The following ACTR3B variants were observed in gnomAD, a reference collection of about 807,000 sequenced individuals.
ACTR3B encodes actin-related protein 3B.
In ACTR3B, 8 loss-of-function variants were observed where a neutral mutation model predicts 59.0. That is an observed-to-expected ratio of 0.14 (90% CI 0.08 to 0.24). ACTR3B has a LOEUF of 0.24. Ranked by LOEUF, ACTR3B falls within the 10% of genes least tolerant of loss-of-function variation. The pLI is 1.00. For missense variants in ACTR3B, 245 were observed against 552.3 expected (o/e 0.44, Z 5.58); for synonymous variants, 148 against 197.9 (o/e 0.75, Z 2.12).
At chr7:152,773,961 G>C (rs2098130401) in intron 1 of ACTR3B, among the ~76,000 whole-genome samples, 1 of 152,174 alleles carries the variant, frequency 6.6e-6, no homozygotes, top group Admixed American at 6.5e-5. Flanking sequence ...ACGAGTTCCA[G>C]AGCCTTTAAG....
intron 1 of ACTR3B, among the ~76,000 whole-genome samples, chr7:152,775,194 A>G (rs2098133549): frequency 6.7e-6 from 1 of 149,542 alleles, no homozygotes; most frequent in African/African-American, 2.5e-5. Flanking sequence ...CTGTCTCAAA[A>G]AAAAAAAAAA....
intron 3 of ACTR3B, 56 bp downstream of exon 3, chr7:152,800,711 G>A (rs2098232918): frequency 6.4e-7 from 1 of 1,565,356 alleles, no homozygotes; most frequent in Non-Finnish European, 8.7e-7. Context: ...GATGAGTAAT[G>A]CAAAATGGTC....
intron 9 of ACTR3B, among the ~76,000 whole-genome samples, chr7:152,836,417 A>T (rs184217193): frequency 2.1e-4 from 32 of 152,134 alleles, no homozygotes; most frequent in Admixed American, 1.8e-3. Context: ...CAACACAGGG[A>T]GACCCCATCT....
Position 152,811,796 on chromosome 7 carries a change from G to C in ACTR3B, c.337-2754G>C, listed in dbSNP as rs375598248. On this transcript the variant is annotated intron_variant, in intron 4 of 11. Transcript: ENST00000256001. ...TCTCCACCACCTGCTTTTGATTAAT[G>C]ATGTCACTAAACTTATTCCAGTGTT... 5 of 151,188 alleles carry C rather than the reference G, an allele frequency of 3.3e-5. No homozygotes were observed. The East Asian group carries it at 9.9e-4, about 30-fold the overall frequency. The allele number at this position is 151,188 out of a possible 1,614,324, so 9.4% of individuals were successfully genotyped here.
At position 152,786,564 on chromosome 7, in the gene ACTR3B, A is replaced by C. The variant is rs569471556; in HGVS notation, c.100+3322A>C. 181 of 157,180 alleles carry C rather than the reference A, an allele frequency of 1.2e-3. 2 individuals are homozygous for C. The Middle Eastern group carries it at 0.016, about 14-fold the overall frequency. 9.7% of individuals were successfully genotyped at this position (157,180 alleles called of 1,614,324 possible). ...TGAGGTTCCGTCTCGAAAAAAAAAA[A>C]AAAACAAAAAACAAACAAACCCCAC... On this transcript the variant is annotated intron_variant, in intron 2 of 11. Coordinates refer to ENST00000256001, the MANE Select transcript of ACTR3B (RefSeq NM_020445.6).
At position 152,764,022 on chromosome 7, in the gene ACTR3B, T is replaced by C. The variant is rs573192055; in HGVS notation, c.44+4096T>C. ...TCTTTATTTTTTATTTATTTATTTT[T>C]TGAGACGGAGTCTTGCTGTGTTGCC... On this transcript the variant is annotated intron_variant, in intron 1 of 11. Coordinates refer to ENST00000256001, the MANE Select transcript of ACTR3B (RefSeq NM_020445.6). Among the ~76,000 whole-genome samples, 1,089 of 151,950 alleles carry C rather than the reference T, an allele frequency of 7.2e-3. 9 individuals are homozygous for C. Among genetic ancestry groups the C allele is most frequent in the Middle Eastern group, 0.02 (6 of 294 alleles).
chr7:152,814,968 A>G (rs1169923833), intron 5 of ACTR3B, among the ~76,000 whole-genome samples: 2 of 151,906 alleles, frequency 1.3e-5, no homozygotes, highest in African/African-American at 2.4e-5. Flanking sequence ...GAAAAACAAA[A>G]TAATTACCTT....
chr7:152,842,582 C>G (rs1797953282), intron 9 of ACTR3B, among the ~76,000 whole-genome samples: 1 of 152,190 alleles, frequency 6.6e-6, no homozygotes, highest in South Asian at 2.1e-4. Flanking sequence ...CTGTTTCCGG[C>G]TTCCTTCACT....
chr7:152,780,867 A>G (rs533950308), intron 1 of ACTR3B, among the ~76,000 whole-genome samples: 2 of 143,862 alleles, frequency 1.4e-5, no homozygotes, highest in Admixed American at 1.4e-4. Context: ...TTTTTTCGAG[A>G]CAGGATCTCG....
At chr7:152,815,060 C>T (rs1168161806) in intron 5 of ACTR3B, among the ~76,000 whole-genome samples, 2 of 151,144 alleles carry the variant, frequency 1.3e-5, no homozygotes, top group Admixed American at 6.6e-5. Flanking sequence ...TTCATGAGCT[C>T]GCAGAACTTG....
chr7:152,768,630 T>G (rs1186487566), intron 1 of ACTR3B, among the ~76,000 whole-genome samples: 2 of 151,496 alleles, frequency 1.3e-5, no homozygotes, highest in Non-Finnish European at 2.9e-5. Context: ...GCGCCCGCCA[T>G]CACGCCCAGC....
intron 1 of ACTR3B, among the ~76,000 whole-genome samples, chr7:152,763,017 T>A (rs574943006): frequency 6.6e-6 from 1 of 152,116 alleles, no homozygotes; most frequent in African/African-American, 2.4e-5. Context: ...TTTTTCTTTG[T>A]AATTAATAAG....
intron 2 of ACTR3B, among the ~76,000 whole-genome samples, chr7:152,794,659 A>G (rs1433441048): frequency 1.3e-5 from 2 of 152,058 alleles, no homozygotes. Flanking sequence ...TGTACATCAG[A>G]TGGTTCTGTG....
At chr7:152,827,735 G>T (rs1375933912) in intron 9 of ACTR3B, among the ~76,000 whole-genome samples, 3 of 152,156 alleles carry the variant, frequency 2.0e-5, no homozygotes, top group African/African-American at 4.8e-5. Flanking sequence ...GAAGCGGGAG[G>T]GTGATAGAAT....
rs537781339 is a variant in ACTR3B at position 152,789,484 on chromosome 7, T to G, written c.100+6242T>G. 2.8e-3 allele frequency among the ~76,000 whole-genome samples: 418 copies of G among 151,076 alleles called. 14 individuals carry two copies. Among genetic ancestry groups the G allele is most frequent in the African/African-American group, 9.8e-3 (399 of 40,686 alleles). Reference sequence around the variant, plus strand: ...AGTTTTCGTTGCTGTCGTCAAAATATTTTAAAAATTCTATTTTCTAATTCA... The same window carrying G: ...AGTTTTCGTTGCTGTCGTCAAAATAGTTTAAAAATTCTATTTTCTAATTCA... On this transcript the variant is annotated intron_variant, in intron 2 of 11. Transcript: ENST00000256001.
rs1025337299 is a variant in ACTR3B at position 152,854,719 on chromosome 7, A to G, written c.*166A>G. 1.2e-5 allele frequency: 8 copies of G among 642,660 alleles called. No homozygotes were observed. The African/African-American group carries it at 1.5e-4, about 12-fold the overall frequency. The allele number at this position is 642,660 out of a possible 1,614,324, so 39.8% of individuals were successfully genotyped here. A position where few individuals can be genotyped will look rare whatever the true frequency, so the allele number is the denominator to read the frequency against. Reference sequence around the variant, plus strand: ...CGGCGCGGGCCCTTCAGTAAAAGCCATTTATCCGTGTGCCGACCGCTGTCT... The same window carrying G: ...CGGCGCGGGCCCTTCAGTAAAAGCCGTTTATCCGTGTGCCGACCGCTGTCT... On this transcript the variant is annotated 3_prime_UTR_variant, in exon 12 of 12. Transcript: ENST00000256001. This position sits in a 1 kb window ranked among gnomAD's most constrained non-coding sequence, Gnocchi z 4.9.
chr7:152,844,350 G>A (rs1354066092), intron 9 of ACTR3B, among the ~76,000 whole-genome samples: 2 of 152,046 alleles, frequency 1.3e-5, no homozygotes, highest in African/African-American at 2.4e-5. Flanking sequence ...GAGCCGTCAC[G>A]CCAGACCTAA....
At chr7:152,834,155 GTT>G (rs779609053) in intron 9 of ACTR3B, among the ~76,000 whole-genome samples, 3 of 138,266 alleles carry the variant, frequency 2.2e-5, no homozygotes, top group Admixed American at 7.2e-5. Context: ...CGCTGTTTTT[GTT>G]TTTTTTTTTT....
At chr7:152,852,335 C>A in intron 10 of ACTR3B, 84 bp downstream of exon 10, 2 of 1,471,994 alleles carry the variant, frequency 1.4e-6, no homozygotes, top group Non-Finnish European at 1.8e-6. Context: ...GCCGAAGGAG[C>A]TTGTCTGGGC....
Sources: allele counts gnomAD v4.1 joint callset (sites outside exome capture counted in the v4.1 genomes callset), GRCh38; gene constraint gnomAD v4.1.1; non-coding constraint Gnocchi (gnomAD v3.1); transcripts MANE v1.5; gene names NCBI Gene and HGNC (gene_info 2026-07-23, HGNC 2026-07-21).